Variants in TBL1X observed in about 807,000 individuals in gnomAD.
TBL1X encodes the protein F-box-like/WD repeat-containing protein TBL1X.
Under a neutral mutation model 50.7 loss-of-function variants are expected in TBL1X, and 10 were observed. The observed-to-expected ratio is 0.20, with a 90% CI of 0.12 to 0.33. The LOEUF (loss-of-function observed/expected upper bound fraction) is 0.33, where lower values mean the gene tolerates loss of function less well. Ranked by LOEUF, TBL1X falls within the 10% of genes least tolerant of loss-of-function variation. The pLI is 1.00. For synonymous variants in TBL1X, 190 were observed against 214.7 expected, an observed-to-expected ratio of 0.88 and a Z score of 1.01; for missense variants, 340 against 504.4, an observed-to-expected ratio of 0.67 and a Z score of 3.12.
chrX:9,557,987 AT>A (rs2082308474), intron 2 of TBL1X, among the ~76,000 whole-genome samples: 1 of 112,394 alleles, frequency 8.9e-6, no homozygotes, highest in African/African-American at 3.2e-5. Context: ...AAATCTGGAA[AT>A]TTGTCCACAG....
At chrX:9,707,230 C>T (rs959015482) in intron 13 of TBL1X, among the ~76,000 whole-genome samples, 6 of 111,161 alleles carry the variant, frequency 5.4e-5, no homozygotes, top group African/African-American at 2.0e-4. Flanking sequence ...ATGCCCACCT[C>T]TCCCCACCCC....
chrX:9,542,849 A>C (rs2082222085), intron 2 of TBL1X, among the ~76,000 whole-genome samples: 1 of 112,272 alleles, frequency 8.9e-6, no homozygotes. Flanking sequence ...TGTATGGAGA[A>C]GCTGTCACTT....
chrX:9,569,063 C>CTG (rs1555895441), intron 2 of TBL1X, among the ~76,000 whole-genome samples: 2 of 101,480 alleles, frequency 2.0e-5, no homozygotes, highest in Non-Finnish European at 4.0e-5. Flanking sequence ...TCTATCTGTG[C>CTG]TGTGTGTGTC....
intron 2 of TBL1X, among the ~76,000 whole-genome samples, chrX:9,549,885 A>G (rs1361574012): frequency 4.5e-5 from 5 of 111,538 alleles, no homozygotes; most frequent in Non-Finnish European, 9.4e-5. Flanking sequence ...CAGTTCACTG[A>G]TTTGGGATCT....
intron 1 of TBL1X, among the ~76,000 whole-genome samples, chrX:9,497,759 TCCC>T (rs2081978756): frequency 3.1e-5 from 1 of 32,582 alleles, no homozygotes; most frequent in African/African-American, 1.3e-4. Context: ...CCTCCCTCCC[TCCC>T]TCCCTCCCTC....
At chrX:9,701,955 C>G (rs2083176451) in intron 12 of TBL1X, among the ~76,000 whole-genome samples, 1 of 111,872 alleles carries the variant, frequency 8.9e-6, no homozygotes. Context: ...CACCCGCGTC[C>G]TCCCACCCAC....
In TBL1X at chrX:9,654,126, G is replaced by C. The variant is rs761075485; in HGVS notation, c.104-89G>C. 674 of 729,330 alleles carry C rather than the reference G, an allele frequency of 9.2e-4. 1 individual carries two copies. The highest frequency in any genetic ancestry group is 2.6e-3 in the Middle Eastern group (8 of 3,056). The allele number at this position is 729,330 out of a possible 1,213,427, so 60.1% of individuals were successfully genotyped here. ...ATTAATTACCTTCATGTGTATAATA[G>C]CATGGATATTATTTTCTTTAGTCAT... On this transcript the variant is annotated intron_variant, in intron 4 of 17. Transcript: ENST00000645353.
At chrX:9,716,185 T>G in intron 17 of TBL1X, 35 bp from the exon 18 acceptor site, 1 of 1,208,045 alleles carries the variant, frequency 8.3e-7, no homozygotes, top group East Asian at 3.0e-5. Flanking sequence ...TTGTATTGTC[T>G]CTCAAGATGA....
At chrX:9,694,687 G>A (rs188861563) in intron 11 of TBL1X, among the ~76,000 whole-genome samples, 1 of 111,962 alleles carries the variant, frequency 8.9e-6, no homozygotes, top group East Asian at 2.8e-4. Context: ...TAAAATGATA[G>A]AGTTGGCCGG....
At chrX:9,655,919 C>T (rs1197178298) in intron 5 of TBL1X, among the ~76,000 whole-genome samples, 1 of 112,630 alleles carries the variant, frequency 8.9e-6, no homozygotes, top group African/African-American at 3.2e-5. Context: ...ATACGTCAGG[C>T]ACGTAGCACA....
intron 11 of TBL1X, among the ~76,000 whole-genome samples, chrX:9,693,632 T>G (rs914650810): frequency 4.5e-5 from 5 of 111,676 alleles, no homozygotes; most frequent in African/African-American, 1.6e-4. Context: ...CTGCAGACCC[T>G]CGTGCAAAGC....
At chrX:9,617,258 G>C (rs186934172) in intron 2 of TBL1X, among the ~76,000 whole-genome samples, 1 of 111,480 alleles carries the variant, frequency 9.0e-6, no homozygotes, top group East Asian at 2.8e-4. Context: ...TGATCATTTT[G>C]GTCTTCATTT....
At chrX:9,464,463 T>C (rs1334540786), upstream of TBL1X, among the ~76,000 whole-genome samples, 1 of 110,844 alleles carries the variant, frequency 9.0e-6, no homozygotes, top group Non-Finnish European at 1.9e-5. Context: ...TGAGCTGGGG[T>C]AAAGACTACT....
chrX:9,574,004 G>A (rs1213147082), intron 2 of TBL1X, among the ~76,000 whole-genome samples: 1 of 112,005 alleles, frequency 8.9e-6, no homozygotes, highest in South Asian at 3.7e-4. Flanking sequence ...ATTCAATGCC[G>A]GCATCACTAC....
intron 2 of TBL1X, among the ~76,000 whole-genome samples, chrX:9,580,275 C>T (rs187138163): frequency 1.1e-3 from 128 of 112,286 alleles, no homozygotes; most frequent in African/African-American, 3.7e-3. Flanking sequence ...ACGATGTGCC[C>T]AAGGTGGTCC....
At chrX:9,513,081 C>T (rs910423776) in intron 2 of TBL1X, among the ~76,000 whole-genome samples, 3 of 110,572 alleles carry the variant, frequency 2.7e-5, no homozygotes, top group South Asian at 4.0e-4. Context: ...TGAAGGCACC[C>T]GGAGGAAGCC....
At position 9,692,156 on chromosome X, in the gene TBL1X, A is replaced by G; in HGVS notation, c.793A>G (p.Ser265Gly). 8.3e-7 allele frequency: 1 copy of G among 1,211,654 alleles called. No homozygotes were observed. The highest frequency in any genetic ancestry group is 1.7e-5 in the African/African-American group (1 of 57,743). Residue 265 changes from serine to glycine, a missense_variant, in exon 9 of 18, where the codon AGC becomes GGC. This residue lies in a region of TBL1X where 170 missense variants were observed against 272.6 expected (regional missense o/e 0.62). Transcript: ENST00000645353. ...AAGGATATGGAACCTGAATGAGAATAGCAACGGGGGCTCCACCCAGCTCGT... is the reference window on the plus strand; with the variant it reads ...AAGGATATGGAACCTGAATGAGAATGGCAACGGGGGCTCCACCCAGCTCGT... ...TARIWNLNENSNGGSTQLVLR... is the reference protein window; with the variant it reads ...TARIWNLNENGNGGSTQLVLR...
chrX:9,688,150 C>T lies in TBL1X; in HGVS notation c.491C>T (p.Ala164Val), dbSNP rs754174322. The T allele has an allele frequency of 5.0e-6, 6 of 1,196,488 alleles. No homozygotes were observed. The highest frequency in any genetic ancestry group is 2.3e-5 in the Admixed American group (1 of 44,093). Residue 164 changes from alanine (A) to valine (V), a missense_variant, in exon 7 of 18, where the codon GCG (alanine) becomes GTG (valine). Physicochemically the swap from Ala to Val is moderately conservative, Grantham distance 64. This residue lies in a region of TBL1X where 99 missense variants were observed against 93.3 expected (regional missense o/e 1.06). Coordinates refer to ENST00000645353, the MANE Select transcript of TBL1X (RefSeq NM_005647.4). ...CAGCAGCAAGCCAGTGCGGCGGCGG[C>T]GGCGGCTGCGGCCACGGCAGCAGCG... ...LAQQQASAAA[A>V]AAAATAAATA...
intron 2 of TBL1X, among the ~76,000 whole-genome samples, chrX:9,593,009 A>G (rs1274050223): frequency 1.8e-5 from 2 of 111,550 alleles, no homozygotes; most frequent in African/African-American, 6.5e-5. Flanking sequence ...CCAGACTTCT[A>G]AAGGGGTGGT....
Sources: allele counts gnomAD v4.1 joint callset (sites outside exome capture counted in the v4.1 genomes callset), GRCh38; gene constraint gnomAD v4.1.1; regional missense constraint gnomAD v4.1.1; transcripts MANE v1.5; gene names NCBI Gene and HGNC (gene_info 2026-07-23, HGNC 2026-07-21).